Variants in TMEM266 observed in about 807,000 individuals in gnomAD.
The protein encoded by TMEM266 is transmembrane protein 266, also known as Hv1 related protein 1.
In TMEM266, 33 loss-of-function variants were observed where a neutral mutation model predicts 50.5. The ratio of observed to expected loss-of-function variants is 0.65; its 90% confidence interval spans 0.50 to 0.87. TMEM266 has a LOEUF of 0.87. Among genes scored for constraint, TMEM266 ranks in the 40% least tolerant of loss-of-function variants. The pLI, the probability that TMEM266 is intolerant of heterozygous loss-of-function variation, is 0.00. For missense variants in TMEM266, 655 were observed against 695.1 expected, an observed-to-expected ratio of 0.94 and a Z score of 0.65; for synonymous variants, 310 against 292.3, an observed-to-expected ratio of 1.06 and a Z score of -0.62.
rs1446693143 is a variant in TMEM266 at position 76,203,995 on chromosome 15, C to T, written c.1276C>T (p.Pro426Ser). 2 of 1,608,340 alleles carry T rather than the reference C, an allele frequency of 1.2e-6. No individual in the cohort carries two copies. The highest frequency in any genetic ancestry group is 1.7e-6 in the Non-Finnish European group (2 of 1,175,790). ...GCCGTCCTCTGAGCCCGGCCCTTCT[C>T]CCCCGCCGCTGCCATCCCAGCAGCA... Residue 426 changes from proline to serine, a missense_variant, in exon 11 of 11, where the codon CCC becomes TCC. Coordinates refer to ENST00000388942, the MANE Select transcript of TMEM266 (RefSeq NM_152335.3).
chr15:76,070,688 A>G lies in TMEM266; in HGVS notation c.-97+10672A>G, dbSNP rs534042023. Among the ~76,000 whole-genome samples, 26 of 152,348 alleles carry G rather than the reference A, an allele frequency of 1.7e-4. No individual in the cohort carries two copies. In the South Asian group the frequency reaches 5.4e-3, roughly 32 times the overall value. ...CAGCTAGACTTTTCCATTCTTATTA[A>G]GGATTCAAAGTTCTTGGCTGAGCCC... On this transcript the variant is annotated intron_variant, in intron 1 of 10. Coordinates refer to ENST00000388942, the MANE Select transcript of TMEM266 (RefSeq NM_152335.3).
chr15:76,166,827 A>G (rs913186695), intron 5 of TMEM266, among the ~76,000 whole-genome samples: 1 of 152,214 alleles, frequency 6.6e-6, no homozygotes, highest in Admixed American at 6.5e-5. Flanking sequence ...ACAGAGTTTC[A>G]GTTTGGGAAG....
chr15:76,117,119 A>C (rs2037263628), intron 1 of TMEM266, among the ~76,000 whole-genome samples: 1 of 152,076 alleles, frequency 6.6e-6, no homozygotes, highest in Non-Finnish European at 1.5e-5. Flanking sequence ...GGCTGGTCTC[A>C]AACTCCCAAC....
chr15:76,121,188 G>A (rs2959823), intron 1 of TMEM266, among the ~76,000 whole-genome samples: 54,824 of 151,924 alleles, frequency 0.36, 12,394 homozygotes, highest in East Asian at 0.66. Context: ...GGATGGAGCA[G>A]GGAAGTTGAA....
intron 7 of TMEM266, among the ~76,000 whole-genome samples, chr15:76,172,851 T>C (rs1043217153): frequency 2.6e-4 from 39 of 152,188 alleles, no homozygotes; most frequent in Non-Finnish European, 5.0e-4. Context: ...GCTCTGTCCA[T>C]GAGAACATCC....
intron 1 of TMEM266, among the ~76,000 whole-genome samples, chr15:76,076,705 T>G (rs1277659926): frequency 6.6e-6 from 1 of 151,962 alleles, no homozygotes; most frequent in Non-Finnish European, 1.5e-5. Flanking sequence ...TCATGAATGG[T>G]TCCTAGGAAG....
chr15:76,107,379 C>G (rs1487503549), intron 1 of TMEM266, among the ~76,000 whole-genome samples: 1 of 152,200 alleles, frequency 6.6e-6, no homozygotes, highest in African/African-American at 2.4e-5. Flanking sequence ...GTCGCTCACA[C>G]AGGGCACATG....
At chr15:76,140,907 C>T (rs570738043) in intron 3 of TMEM266, among the ~76,000 whole-genome samples, 10 of 151,926 alleles carry the variant, frequency 6.6e-5, no homozygotes, top group African/African-American at 2.2e-4. Context: ...CATGGTGGCA[C>T]GCACCTGTCA....
At position 76,161,084 on chromosome 15, in the gene TMEM266, C is replaced by T. The variant is rs1340082525; in HGVS notation, c.456+916C>T. Among the ~76,000 whole-genome samples, 1 of 152,178 alleles carries T rather than the reference C, an allele frequency of 6.6e-6. No homozygotes were observed. Among genetic ancestry groups the T allele is most frequent in the African/African-American group, 2.4e-5 (1 of 41,436 alleles). On this transcript the variant is annotated intron_variant, in intron 5 of 10. Coordinates refer to ENST00000388942, the MANE Select transcript of TMEM266 (RefSeq NM_152335.3). This position sits in a 1 kb window ranked among gnomAD's most constrained non-coding sequence, Gnocchi z 4.1. Reference sequence around the variant, plus strand: ...AGAGTTTCATGTGGAAAACTGGTTTCTCCTAACAGAGCCTAGGACTGGCCC... The same window carrying T: ...AGAGTTTCATGTGGAAAACTGGTTTTTCCTAACAGAGCCTAGGACTGGCCC...
intron 8 of TMEM266, among the ~76,000 whole-genome samples, chr15:76,188,005 C>A (rs776712393): frequency 6.6e-6 from 1 of 152,096 alleles, no homozygotes; most frequent in Non-Finnish European, 1.5e-5. Flanking sequence ...CACTTGCTCA[C>A]GAGAACCCAT....
At chr15:76,175,473 G>A in intron 7 of TMEM266, 86 bp from the exon 8 acceptor site, 3 of 1,027,358 alleles carry the variant, frequency 2.9e-6, no homozygotes, top group Non-Finnish European at 4.4e-6. Flanking sequence ...CCTCGAACCT[G>A]CTGCTGCCTG....
chr15:76,160,237 A>G lies in TMEM266; in HGVS notation c.456+69A>G. ...TCCTGTCCTGGGGAAACCAAGGTCT[A>G]CTTCTCGAAATGGTTTCTAGCATCA... On this transcript the variant is annotated intron_variant, in intron 5 of 10. Transcript: ENST00000388942. The surrounding 1 kb of genome is among the most constrained non-coding windows in gnomAD (Gnocchi z 5.7). 2 of 1,467,382 alleles carry G rather than the reference A, an allele frequency of 1.4e-6. No homozygotes were observed. The highest frequency in any genetic ancestry group is 1.7e-5 in the Admixed American group (1 of 58,486). The allele number at this position is 1,467,382 out of a possible 1,614,324, so 90.9% of individuals were successfully genotyped here.
chr15:76,097,741 A>T (rs982228026), intron 1 of TMEM266, among the ~76,000 whole-genome samples: 2 of 151,960 alleles, frequency 1.3e-5, no homozygotes, highest in Non-Finnish European at 2.9e-5. Flanking sequence ...AGATACACCA[A>T]TCAAACGTAG....
chr15:76,096,464 G>A (rs2036921582), intron 1 of TMEM266, among the ~76,000 whole-genome samples: 1 of 152,004 alleles, frequency 6.6e-6, no homozygotes, highest in Admixed American at 6.5e-5. Context: ...ATTGCACTGT[G>A]GTCTGAGAGA....
intron 1 of TMEM266, among the ~76,000 whole-genome samples, chr15:76,071,631 C>T (rs1442886623): frequency 6.6e-6 from 1 of 152,188 alleles, no homozygotes; most frequent in Non-Finnish European, 1.5e-5. Context: ...TGGACACTTG[C>T]AACCCAGAGA....
At chr15:76,188,758 T>C (rs1596164934) in intron 8 of TMEM266, among the ~76,000 whole-genome samples, 1 of 152,322 alleles carries the variant, frequency 6.6e-6, no homozygotes, top group East Asian at 1.9e-4. Flanking sequence ...CAATTCGAGA[T>C]GAGATTTGGG....
chr15:76,110,008 C>CT (rs960129662), intron 1 of TMEM266, among the ~76,000 whole-genome samples: 3 of 149,774 alleles, frequency 2.0e-5, no homozygotes, highest in South Asian at 4.3e-4. Flanking sequence ...CTTTTCTTTT[C>CT]TTTTTTTTTG....
chr15:76,109,899 A>G (rs1041121696), intron 1 of TMEM266, among the ~76,000 whole-genome samples: 1 of 151,630 alleles, frequency 6.6e-6, no homozygotes, highest in Non-Finnish European at 1.5e-5. Context: ...GCCTCAAGCG[A>G]TCTTCCTGCC....
intron 3 of TMEM266, among the ~76,000 whole-genome samples, chr15:76,138,389 G>T (rs1386578040): frequency 6.6e-6 from 1 of 152,120 alleles, no homozygotes; most frequent in Non-Finnish European, 1.5e-5. Flanking sequence ...AAAAGGCACT[G>T]GGCACAGACA....
Sources: gnomAD v4.1 joint callset for allele counts (sites outside exome capture counted in the v4.1 genomes callset) on GRCh38, gnomAD v4.1.1 for gene constraint, Gnocchi (gnomAD v3.1) non-coding constraint, MANE v1.5 for transcripts, NCBI Gene and HGNC (gene_info 2026-07-23, HGNC 2026-07-21) for gene names.